ZCWPW1: variants seen among roughly 807,000 people sequenced by gnomAD.
The protein encoded by ZCWPW1 is zinc finger CW-type PWWP domain protein 1.
Under a neutral mutation model 81.3 loss-of-function variants are expected in ZCWPW1, and 56 were observed. That is an observed-to-expected ratio of 0.69 (90% CI 0.56 to 0.86). The LOEUF (loss-of-function observed/expected upper bound fraction) is 0.86, where lower values mean the gene tolerates loss of function less well. Among genes scored for constraint, ZCWPW1 ranks in the 40% least tolerant of loss-of-function variants. ZCWPW1 has a pLI of 0.00. For missense variants in ZCWPW1, 650 were observed against 769.8 expected (o/e 0.84, Z 1.84); for synonymous variants, 250 against 273.7 (o/e 0.91, Z 0.86).
rs1324933877 is a variant in ZCWPW1 at position 100,417,597 on chromosome 7, A to G, written c.362-414T>C. Among the ~76,000 whole-genome samples, 10 of 151,940 alleles carry G rather than the reference A, an allele frequency of 6.6e-5. No individual in the cohort carries two copies. In the South Asian group the frequency reaches 2.1e-3, roughly 32 times the overall value. On this transcript the variant is annotated intron_variant, in intron 5 of 17. Transcript: ENST00000684423. ...GCCAGGCACGGTGGCATGCACCTGT[A>G]GTCCCAGCTTCTCGGGAGGCTGAGG...
Position 100,427,555 on chromosome 7 carries a change from C to G in ZCWPW1, c.-137+1013G>C, listed in dbSNP as rs183403820. Among the ~76,000 whole-genome samples, 117 of 152,040 alleles carry G rather than the reference C, an allele frequency of 7.7e-4. 1 individual carries two copies. Among genetic ancestry groups the G allele is most frequent in the African/African-American group, 2.7e-3 (112 of 41,488 alleles). On this transcript the variant is annotated intron_variant, in intron 1 of 17. Transcript: ENST00000684423. Reference sequence around the variant, plus strand: ...TCTCTACTAAAAATACAAAATTAGCCGGGCACAGTGGCGGGCGCCTGTAGT... The same window carrying G: ...TCTCTACTAAAAATACAAAATTAGCGGGGCACAGTGGCGGGCGCCTGTAGT...
chr7:100,420,010 GTC>G, intron 3 of ZCWPW1, 127 bp from the exon 4 acceptor site: 1 of 740,746 alleles, frequency 1.3e-6, no homozygotes, highest in Non-Finnish European at 2.1e-6. Flanking sequence ...AGATTCCTGG[GTC>G]TCTCACTGCT....
intron 4 of ZCWPW1, 72 bp from the exon 5 acceptor site, chr7:100,419,261 G>T: frequency 7.4e-7 from 1 of 1,346,988 alleles, no homozygotes; most frequent in Non-Finnish European, 1.0e-6. Flanking sequence ...AGTCAGGGAA[G>T]CCTCCTTCAG....
chr7:100,424,373 TGA>T (rs1231152934), intron 2 of ZCWPW1, among the ~76,000 whole-genome samples: 4 of 152,154 alleles, frequency 2.6e-5, no homozygotes, highest in Non-Finnish European at 4.4e-5. Context: ...ACTGGGTAGA[TGA>T]GAGTGAAAGG....
At chr7:100,411,206 GA>G (rs1307887479) in intron 8 of ZCWPW1, among the ~76,000 whole-genome samples, 2 of 151,576 alleles carry the variant, frequency 1.3e-5, no homozygotes, top group African/African-American at 4.8e-5. Flanking sequence ...TCATCCCTCA[GA>G]AAAGTTGACG....
chr7:100,400,920 G>T lies in ZCWPW1; in HGVS notation c.*94C>A. ...CACAGAAACTGCACCACACACATTT[G>T]AACCTCATAGCCAATGAACAGACCC... is the stretch of plus-strand genomic sequence containing the variant. On this transcript the variant is annotated 3_prime_UTR_variant, in exon 18 of 18. Coordinates refer to ENST00000684423, the MANE Select transcript of ZCWPW1 (RefSeq NM_001386010.1). 1 of 1,335,252 alleles carries T rather than the reference G, an allele frequency of 7.5e-7. No homozygotes were observed. The highest frequency in any genetic ancestry group is 1.0e-6 in the Non-Finnish European group (1 of 1,003,444). 82.7% of individuals were successfully genotyped at this position (1,335,252 alleles called of 1,614,324 possible).
intron 9 of ZCWPW1, among the ~76,000 whole-genome samples, chr7:100,409,162 A>C (rs1380744737): frequency 6.6e-6 from 1 of 152,106 alleles, no homozygotes. Context: ...CCAATATTTT[A>C]ATCAGGATTG....
At chr7:100,427,434 G>C (rs1048452572) in intron 1 of ZCWPW1, among the ~76,000 whole-genome samples, 2 of 151,088 alleles carry the variant, frequency 1.3e-5, no homozygotes, top group Non-Finnish European at 2.9e-5. Context: ...GCACGGTGGC[G>C]CGTGCCTGTA....
At chr7:100,410,120 C>T (rs1304163875) in intron 8 of ZCWPW1, among the ~76,000 whole-genome samples, 1 of 152,148 alleles carries the variant, frequency 6.6e-6, no homozygotes, top group Non-Finnish European at 1.5e-5. Flanking sequence ...AACTCTGGGC[C>T]CTGCTCAAAG....
intron 12 of ZCWPW1, among the ~76,000 whole-genome samples, chr7:100,406,357 A>G (rs1254412987): frequency 6.6e-6 from 1 of 152,082 alleles, no homozygotes; most frequent in African/African-American, 2.4e-5. Context: ...CACAACCAAA[A>G]ATTATCTCGC....
At chr7:100,403,096 C>G (rs1418839973) in intron 15 of ZCWPW1, among the ~76,000 whole-genome samples, 1 of 152,118 alleles carries the variant, frequency 6.6e-6, no homozygotes, top group East Asian at 1.9e-4. Flanking sequence ...CCCCAAATAT[C>G]TGACAACTGG....
chr7:100,402,167 C>G, intron 16 of ZCWPW1, 126 bp from the exon 17 acceptor site: 1 of 1,222,644 alleles, frequency 8.2e-7, no homozygotes. Flanking sequence ...GTGAGTTTTC[C>G]TGGTGGCCTC....
chr7:100,401,876 C>T lies in ZCWPW1; in HGVS notation c.1627+13G>A. ...CTCATTCCCCTTAGTTTTTCCCAGGCCTTGAGCCTTACCTGGCTGGTCAGA... is the reference window on the plus strand; with the variant it reads ...CTCATTCCCCTTAGTTTTTCCCAGGTCTTGAGCCTTACCTGGCTGGTCAGA... On this transcript the variant is annotated intron_variant, in intron 17 of 17. Coordinates refer to ENST00000684423, the MANE Select transcript of ZCWPW1 (RefSeq NM_001386010.1). 1 of 1,604,730 alleles carries T rather than the reference C, an allele frequency of 6.2e-7. No individual in the cohort carries two copies. The highest frequency in any genetic ancestry group is 1.7e-4 in the Middle Eastern group (1 of 6,026).
chr7:100,421,359 A>C (rs1186498288), intron 2 of ZCWPW1, among the ~76,000 whole-genome samples: 2 of 152,172 alleles, frequency 1.3e-5, no homozygotes, highest in Non-Finnish European at 2.9e-5. Context: ...CTCATTTCAT[A>C]AGCCTCTCCT....
At chr7:100,417,375 C>T (rs1795475193) in intron 5 of ZCWPW1, 192 bp from the exon 6 acceptor site, 6 of 526,668 alleles carry the variant, frequency 1.1e-5, no homozygotes, top group Non-Finnish European at 1.3e-5. Context: ...CTTTCCAGAT[C>T]GATCTGCCTC....
rs144364844 is a variant in ZCWPW1 at position 100,416,567 on chromosome 7, A to T, written c.480-111T>A. The T allele has an allele frequency of 5.8e-4, 666 of 1,146,368 alleles. 9 individuals are homozygous for T. The East Asian group carries it at 0.016, about 27-fold the overall frequency. The allele number at this position is 1,146,368 out of a possible 1,614,324, so 71.0% of individuals were successfully genotyped here. A position where few individuals can be genotyped will look rare whatever the true frequency, so the allele number is the denominator to read the frequency against. On this transcript the variant is annotated intron_variant, in intron 6 of 17. Transcript: ENST00000684423. ...ACAGATGAATCCTAAGCTCTCTAAGACCTCCTGAGGCCATTTCATCCATCT... is the reference window on the plus strand; with the variant it reads ...ACAGATGAATCCTAAGCTCTCTAAGTCCTCCTGAGGCCATTTCATCCATCT...
chr7:100,416,819 G>A (rs1390903760), intron 6 of ZCWPW1, among the ~76,000 whole-genome samples: 4 of 152,054 alleles, frequency 2.6e-5, no homozygotes, highest in Non-Finnish European at 4.4e-5. Flanking sequence ...GGTGGCAGGC[G>A]CCTGTAATCC....
intron 16 of ZCWPW1, 192 bp from the exon 17 acceptor site, chr7:100,402,233 G>T: frequency 5.0e-6 from 4 of 798,000 alleles, no homozygotes; most frequent in South Asian, 1.6e-5. Context: ...TTATCCCCTG[G>T]ATCTTCTTCT....
chr7:100,417,320 T>C, intron 5 of ZCWPW1, 137 bp from the exon 6 acceptor site: 1 of 603,918 alleles, frequency 1.7e-6, no homozygotes, highest in Non-Finnish European at 2.8e-6. Flanking sequence ...ACTTTAAATA[T>C]TTAAATTTTC....
Sources: gnomAD v4.1 joint callset for allele counts (sites outside exome capture counted in the v4.1 genomes callset) on GRCh38, gnomAD v4.1.1 for gene constraint, MANE v1.5 for transcripts, NCBI Gene and HGNC (gene_info 2026-07-23, HGNC 2026-07-21) for gene names.